CSAD: variants seen among roughly 807,000 people sequenced by gnomAD.
CSAD encodes cysteine sulfinic acid decarboxylase, also known as P-selectin cytoplasmic tail-associated protein.
Under a neutral mutation model 61.5 loss-of-function variants are expected in CSAD, and 47 were observed. The ratio of observed to expected loss-of-function variants is 0.76; its 90% CI spans 0.60 to 0.97. CSAD has a LOEUF of 0.97. Ranked by LOEUF, CSAD falls within the 50% of genes least tolerant of loss-of-function variation. The probability of loss-of-function intolerance (pLI) is 0.00; values close to 1 mark genes in which losing one functional copy is unlikely to be tolerated. For synonymous variants in CSAD, 245 were observed against 252.7 expected (o/e 0.97, Z 0.29); for missense variants, 611 against 643.6 (o/e 0.95, Z 0.55).
intron 2 of CSAD, among the ~76,000 whole-genome samples, chr12:53,175,272 A>G (rs1387518039): frequency 6.6e-6 from 1 of 152,154 alleles, no homozygotes; most frequent in Non-Finnish European, 1.5e-5. Flanking sequence ...GCAGGAAAAG[A>G]CTCAGCAGGA....
chr12:53,171,833 G>A (rs769979473), intron 7 of CSAD, 49 bp downstream of exon 7: 2 of 1,188,444 alleles, frequency 1.7e-6, no homozygotes, highest in East Asian at 4.7e-5. Context: ...GGTGGGGGAG[G>A]AGGAACTCAT....
rs1012473781 is a variant in CSAD at position 53,179,321 on chromosome 12, C to T, written c.-90-179G>A. Among the ~76,000 whole-genome samples the T allele has an allele frequency of 2.6e-5, 4 of 152,186 alleles. 1 individual carries two copies. Among genetic ancestry groups the T allele is most frequent in the African/African-American group, 7.2e-5 (3 of 41,498 alleles). ...CAGATGTCTAAAATACACTGTATGG[C>T]GCATTACAGGTGCTCAATAAATACT... On this transcript the variant is annotated intron_variant, in intron 1 of 16. Coordinates refer to ENST00000444623, the MANE Select transcript of CSAD (RefSeq NM_001244705.2).
At chr12:53,163,023 T>C (rs1324931519) in intron 10 of CSAD, among the ~76,000 whole-genome samples, 1 of 150,600 alleles carries the variant, frequency 6.6e-6, no homozygotes, top group African/African-American at 2.5e-5. Flanking sequence ...ATCACGCCAT[T>C]GCACCTCAGC....
chr12:53,164,811 C>G (rs567955387), intron 10 of CSAD: 3 of 152,242 alleles, frequency 2.0e-5, no homozygotes, highest in Admixed American at 1.3e-4. Flanking sequence ...GGACTTGCAT[C>G]TAGAATATAT....
chr12:53,166,002 T>C (rs952845094), intron 10 of CSAD, among the ~76,000 whole-genome samples: 2 of 152,222 alleles, frequency 1.3e-5, no homozygotes, highest in East Asian at 1.9e-4. Flanking sequence ...GGATGAACCT[T>C]GAAGACATTC....
At position 53,160,180 on chromosome 12, in the gene CSAD, C is replaced by G. The variant is rs1939112147; in HGVS notation, c.1106G>C (p.Trp369Ser). 1.9e-6 allele frequency: 3 copies of G among 1,614,154 alleles called. No homozygotes were observed. The East Asian group carries it at 6.7e-5, about 36-fold the overall frequency. Residue 369 changes from tryptophan (W) to serine (S), a missense_variant, in exon 14 of 17, where the codon TGG becomes TCG. Coordinates refer to ENST00000444623, the MANE Select transcript of CSAD (RefSeq NM_001244705.2). ...RVDCLKLWLM[W>S]KAQGDQGLER... ...CAGCCCTTGATCGCCCTGTGCCTTC[C>G]ACATGAGCCACAGCTTCAGACAGTC...
chr12:53,177,124 T>C (rs1178227158), intron 2 of CSAD, among the ~76,000 whole-genome samples: 2 of 152,230 alleles, frequency 1.3e-5, no homozygotes, highest in Non-Finnish European at 2.9e-5. Flanking sequence ...AATTTTTGTT[T>C]GTTAATCTGA....
chr12:53,170,713 CATTT>C (rs1346651383), intron 8 of CSAD: 2 of 552,150 alleles, frequency 3.6e-6, no homozygotes, highest in Non-Finnish European at 6.5e-6. Context: ...CAAGATTCTG[CATTT>C]GTTTGTTTTT....
At position 53,160,746 on chromosome 12, in the gene CSAD, G is replaced by A. The variant is rs1939183059; in HGVS notation, c.966+17C>T. The A allele has an allele frequency of 6.5e-7, 1 of 1,547,752 alleles. No individual in the cohort carries two copies. The highest frequency in any genetic ancestry group is 8.7e-7 in the Non-Finnish European group (1 of 1,143,540). On this transcript the variant is annotated intron_variant, in intron 13 of 16. Coordinates refer to ENST00000444623, the MANE Select transcript of CSAD (RefSeq NM_001244705.2). ...CAGAGAGAGGTGGGGCTGGTGCAGG[G>A]GCAGGGGCAGACCCACCGAGGTATC...
chr12:53,162,072 C>T (rs543861302), intron 10 of CSAD, among the ~76,000 whole-genome samples: 2 of 151,792 alleles, frequency 1.3e-5, no homozygotes, highest in South Asian at 4.2e-4. Context: ...CCAGCCTGGC[C>T]AACATGGCAA....
intron 1 of CSAD, 56 bp from the exon 2 acceptor site, chr12:53,179,198 A>T (rs1941356633): frequency 6.5e-6 from 1 of 152,866 alleles, no homozygotes; most frequent in Non-Finnish European, 1.5e-5. Context: ...ATTGTTTATA[A>T]AGCAAAAAAA....
At chr12:53,173,654 G>C in intron 3 of CSAD, 74 bp downstream of exon 3, 1 of 1,432,640 alleles carries the variant, frequency 7.0e-7, no homozygotes. Context: ...GGAACAGGTG[G>C]GAGAGAAAAG....
intron 8 of CSAD, chr12:53,170,965 C>G: frequency 2.4e-6 from 1 of 423,744 alleles, no homozygotes; most frequent in African/African-American, 2.1e-5. Context: ...AGGCAATCCA[C>G]CCACCTCAGC....
rs745542371 is a variant in CSAD at position 53,160,242 on chromosome 12, G to T, written c.1044C>A (p.Asp348Glu). ...QQDKFYDVAL[D>E]TGDKVVQCGR... ...CACACTGCACCACCTTGTCTCCCGT[G>T]TCCAGAGCCACATCGTAGAACTTGT... Residue 348 changes from aspartate (D) to glutamate (E), a missense_variant, in exon 14 of 17, where the codon GAC becomes GAA. Transcript: ENST00000444623. The T allele has an allele frequency of 6.2e-7, 1 of 1,614,212 alleles. No individual in the cohort carries two copies. The highest frequency in any genetic ancestry group is 2.2e-5 in the East Asian group (1 of 44,876).
At chr12:53,171,774 G>A (rs1194488384) in intron 7 of CSAD, 108 bp downstream of exon 7, 22 of 776,488 alleles carry the variant, frequency 2.8e-5, no homozygotes, top group Non-Finnish European at 4.4e-5. Context: ...AGCTGGAGAG[G>A]AATCAAAGAG....
intron 16 of CSAD, 83 bp downstream of exon 16, chr12:53,159,540 G>A (rs987410548): frequency 1.7e-6 from 2 of 1,172,172 alleles, no homozygotes; most frequent in Non-Finnish European, 2.5e-6. Context: ...GACCTGCCAT[G>A]CCACTCCCAG....
At chr12:53,181,026 C>G (rs1941588280), upstream of CSAD, 1 of 867,780 alleles carries the variant, frequency 1.2e-6, no homozygotes, top group African/African-American at 1.9e-5. Context: ...CCCGCGCGTC[C>G]CGCCGCGTCC....
chr12:53,172,566 A>T lies in CSAD; in HGVS notation c.209T>A (p.Ile70Asn). The T allele has an allele frequency of 6.2e-7, 1 of 1,613,632 alleles. No individual in the cohort carries two copies. The highest frequency in any genetic ancestry group is 8.5e-7 in the Non-Finnish European group (1 of 1,179,856). Residue 70 changes from isoleucine to asparagine, a missense_variant, in exon 5 of 17, where the codon ATC (isoleucine) becomes AAC (asparagine). Coordinates refer to ENST00000444623, the MANE Select transcript of CSAD (RefSeq NM_001244705.2). ...LRSQGESQKQ[I>N]LERCRAVIRY... ...AATCACAGCCCGACACCGCTCCAGGATCTGCTTCTGTGACTCGCCCTGGCT... is the reference window on the plus strand; with the variant it reads ...AATCACAGCCCGACACCGCTCCAGGTTCTGCTTCTGTGACTCGCCCTGGCT...
intron 10 of CSAD, among the ~76,000 whole-genome samples, chr12:53,165,396 C>T (rs1939797572): frequency 6.7e-6 from 1 of 149,952 alleles, no homozygotes; most frequent in Non-Finnish European, 1.5e-5. Flanking sequence ...CGCGGTGGCT[C>T]ACGCCTGTGA....
Sources: allele counts gnomAD v4.1 joint callset (sites outside exome capture counted in the v4.1 genomes callset), GRCh38; gene constraint gnomAD v4.1.1; transcripts MANE v1.5; gene names NCBI Gene and HGNC (gene_info 2026-07-23, HGNC 2026-07-21).